BMERB1: variants seen among roughly 807,000 people sequenced by gnomAD.
BMERB1 encodes bMERB domain-containing protein 1.
In BMERB1, 12 loss-of-function variants were observed where a neutral mutation model predicts 23.6. That is an observed-to-expected ratio of 0.51 (90% CI 0.33 to 0.82). The LOEUF is 0.82. Among genes scored for constraint, BMERB1 ranks in the 40% least tolerant of loss-of-function variants. BMERB1 has a pLI of 0.03. For missense variants in BMERB1, 247 were observed against 255.4 expected (o/e 0.97, Z 0.22); for synonymous variants, 122 against 96.6 (o/e 1.26, Z -1.54).
chr16:15,528,270 A>C (rs2051928743), intron 2 of BMERB1, among the ~76,000 whole-genome samples: 1 of 152,068 alleles, frequency 6.6e-6, no homozygotes, highest in African/African-American at 2.4e-5. Context: ...TCCAGAGAGG[A>C]AGGGCACCGT....
At chr16:15,444,138 T>TTTTTTTTTTTG (rs1567447934) in intron 1 of BMERB1, among the ~76,000 whole-genome samples, 1 of 131,636 alleles carries the variant, frequency 7.6e-6, no homozygotes, top group African/African-American at 2.9e-5. Context: ...TTTTTTTTTT[T>TTTTTTTTTTTG]TTTTTTTTTT....
At chr16:15,502,786 C>G (rs981592076) in intron 1 of BMERB1, among the ~76,000 whole-genome samples, 13 of 152,132 alleles carry the variant, frequency 8.5e-5, no homozygotes, top group African/African-American at 3.1e-4. Context: ...CCTCTAGATT[C>G]TCTTCTCAGG....
intron 2 of BMERB1, among the ~76,000 whole-genome samples, chr16:15,552,852 TGTAAG>T (rs1305408447): frequency 6.6e-6 from 1 of 152,206 alleles, no homozygotes; most frequent in Admixed American, 6.5e-5. Context: ...TCTTCATTCA[TGTAAG>T]GTGAGAGCTC....
At position 15,532,149 on chromosome 16, in the gene BMERB1, G is replaced by A. The variant is rs183838457; in HGVS notation, c.230+16721G>A. On this transcript the variant is annotated intron_variant, in intron 2 of 5. Transcript: ENST00000300006. ...TCCTCAGTCCCCTAAACTCCTCGGG[G>A]ATCTCAAGTTATATTAGATCAATCC... is the stretch of plus-strand genomic sequence containing the variant. Among the ~76,000 whole-genome samples the A allele has an allele frequency of 7.7e-4, 117 of 152,282 alleles. 3 individuals carry two copies. The highest frequency in any genetic ancestry group is 1.7e-3 in the South Asian group (8 of 4,832).
At chr16:15,558,589 A>G (rs1251624150) in intron 2 of BMERB1, among the ~76,000 whole-genome samples, 3 of 152,150 alleles carry the variant, frequency 2.0e-5, no homozygotes, top group Non-Finnish European at 4.4e-5. Flanking sequence ...CTGCCCCCAT[A>G]GTCCTGAAAA....
intron 3 of BMERB1, 81 bp downstream of exon 3, chr16:15,568,137 A>G: frequency 1.7e-6 from 2 of 1,195,434 alleles, no homozygotes; most frequent in Non-Finnish European, 2.4e-6. Flanking sequence ...CTGGGTCTGG[A>G]AGACAGAGCC....
chr16:15,452,974 T>C (rs1348907957), intron 1 of BMERB1, among the ~76,000 whole-genome samples: 1 of 152,088 alleles, frequency 6.6e-6, no homozygotes, highest in South Asian at 2.1e-4. Flanking sequence ...CACTAAGGAA[T>C]GACACTGGTT....
chr16:15,449,103 G>A (rs374207562), intron 1 of BMERB1, among the ~76,000 whole-genome samples: 25 of 152,300 alleles, frequency 1.6e-4, no homozygotes, highest in Middle Eastern at 3.4e-3. Context: ...TAACTGGTCC[G>A]TTTAGCACTA....
rs147271936 is a variant in BMERB1 at position 15,484,407 on chromosome 16, C to CT, written c.107-30886dup. ...TAAAATTATGCTCTTCCCCCAACCT[C>CT]TTTTTTTTTTTTGAGAAAGAGTCTC... On this transcript the variant is annotated intron_variant, in intron 1 of 5. Coordinates refer to ENST00000300006, the MANE Select transcript of BMERB1 (RefSeq NM_033201.3). Among the ~76,000 whole-genome samples the CT allele has an allele frequency of 3.1e-3, 459 of 146,366 alleles. 1 individual carries two copies. Among genetic ancestry groups the CT allele is most frequent in the Middle Eastern group, 0.022 (6 of 276 alleles).
chr16:15,466,224 C>T (rs887179608), intron 1 of BMERB1, among the ~76,000 whole-genome samples: 15 of 152,194 alleles, frequency 9.9e-5, no homozygotes, highest in East Asian at 1.9e-4. Context: ...TCACCATTTC[C>T]TTATATTTTC....
chr16:15,541,745 G>A (rs545266733), intron 2 of BMERB1, among the ~76,000 whole-genome samples: 1 of 151,424 alleles, frequency 6.6e-6, no homozygotes, highest in East Asian at 2.0e-4. Context: ...GGGCCTACAG[G>A]CGCCTGCCAC....
intron 1 of BMERB1, among the ~76,000 whole-genome samples, chr16:15,483,669 C>T (rs544667625): frequency 7.2e-5 from 11 of 152,274 alleles, no homozygotes; most frequent in African/African-American, 2.2e-4. Context: ...CATGAGCCAC[C>T]GTGCCTGGCC....
Position 15,581,308 on chromosome 16 carries a change from C to T in BMERB1, c.396C>T (p.Asp132=), listed in dbSNP as rs758950219. 6 of 1,613,994 alleles carry T rather than the reference C, an allele frequency of 3.7e-6. No homozygotes were observed. Among genetic ancestry groups the T allele is most frequent in the South Asian group, 2.2e-5 (2 of 91,020 alleles). ...KLVQKRDFLV[D]DAEVERLREQ... ...TGCAGAAGAGAGACTTCCTGGTGGA[C>T]GATGCGGAGGTCGAGCGGTTAAGGT... Residue 132 remains aspartate (D), a synonymous_variant, in exon 4 of 6, where the codon GAC becomes GAT. Transcript: ENST00000300006.
At chr16:15,456,652 G>C (rs1354784659) in intron 1 of BMERB1, among the ~76,000 whole-genome samples, 4 of 151,822 alleles carry the variant, frequency 2.6e-5, no homozygotes, top group Non-Finnish European at 5.9e-5. Flanking sequence ...GTTTAATTTG[G>C]CCTATGTCTT....
intron 2 of BMERB1, among the ~76,000 whole-genome samples, chr16:15,540,295 G>A (rs1465024158): frequency 6.6e-6 from 1 of 152,072 alleles, no homozygotes; most frequent in Non-Finnish European, 1.5e-5. Flanking sequence ...GGAGGCTGAG[G>A]TGGGGAGATC....
intron 2 of BMERB1, among the ~76,000 whole-genome samples, chr16:15,545,883 G>C (rs1365302692): frequency 6.6e-6 from 1 of 152,118 alleles, no homozygotes; most frequent in Non-Finnish European, 1.5e-5. Flanking sequence ...TTACAGGAGG[G>C]AGACACAACC....
At chr16:15,547,697 C>T (rs1165616499) in intron 2 of BMERB1, among the ~76,000 whole-genome samples, 1 of 152,070 alleles carries the variant, frequency 6.6e-6, no homozygotes, top group Non-Finnish European at 1.5e-5. Flanking sequence ...GCTGAAATAG[C>T]TGTCATGGAG....
intron 2 of BMERB1, among the ~76,000 whole-genome samples, chr16:15,536,407 C>A (rs1400063373): frequency 6.6e-6 from 1 of 152,142 alleles, no homozygotes; most frequent in East Asian, 1.9e-4. Flanking sequence ...ACGCATCTGA[C>A]TCTCATATCA....
chr16:15,434,598 C>A lies in BMERB1; in HGVS notation c.-56C>A. The A allele has an allele frequency of 1.2e-5, 18 of 1,531,688 alleles. No homozygotes were observed. The highest frequency in any genetic ancestry group is 1.6e-5 in the Non-Finnish European group (18 of 1,105,826). The allele number at this position is 1,531,688 out of a possible 1,614,324, so 94.9% of individuals were successfully genotyped here. ...GCTGGAGCCACCTCCCTCCCTGCAG[C>A]CCGCAACGGGAATGGAGTAAAGGGA... is the stretch of plus-strand genomic sequence containing the variant. On this transcript the variant is annotated 5_prime_UTR_variant, in exon 1 of 6. Coordinates refer to ENST00000300006, the MANE Select transcript of BMERB1 (RefSeq NM_033201.3).
Sources: gnomAD v4.1 joint callset for allele counts (sites outside exome capture counted in the v4.1 genomes callset) on GRCh38, gnomAD v4.1.1 for gene constraint, MANE v1.5 for transcripts, NCBI Gene and HGNC (gene_info 2026-07-23, HGNC 2026-07-21) for gene names.